ZNF618: variants seen among roughly 807,000 people sequenced by gnomAD.
ZNF618 encodes neural precursor cell expressed, developmentally down-regulated 10.
Under a neutral mutation model 103.0 loss-of-function variants are expected in ZNF618, and 34 were observed. The observed-to-expected ratio is 0.33, with a 90% CI of 0.25 to 0.44. ZNF618 has a LOEUF of 0.44. Ranked by LOEUF, ZNF618 falls within the 20% of genes least tolerant of loss-of-function variation. The pLI, the probability that ZNF618 is intolerant of heterozygous loss-of-function variation, is 1.00. For synonymous variants in ZNF618, 551 were observed against 542.2 expected (o/e 1.02, Z -0.23); for missense variants, 1,059 against 1,295.4 (o/e 0.82, Z 2.80).
rs149577567 is a variant in ZNF618, at chr9:114,034,378, G to A, written c.1168+1650G>A. ...CAGCCAAGCCATGCTGCACCCCCAT[G>A]CGTCCCCTGCCCCCAGAGCTAATAT... is the stretch of plus-strand genomic sequence containing the variant. On this transcript the variant is annotated intron_variant, in intron 12 of 14. Transcript: ENST00000374126. Among the ~76,000 whole-genome samples the A allele has an allele frequency of 3.1e-3, 465 of 152,266 alleles. 3 individuals carry two copies. Among genetic ancestry groups the A allele is most frequent in the Non-Finnish European group, 3.9e-3 (266 of 68,020 alleles).
intron 1 of ZNF618, among the ~76,000 whole-genome samples, chr9:113,930,492 T>C (rs1833481525): frequency 6.6e-6 from 1 of 152,198 alleles, no homozygotes; most frequent in Admixed American, 6.5e-5. Context: ...AGGCTTGTCC[T>C]TGAATGGATA....
At position 114,053,372 on chromosome 9, in the gene ZNF618, G is replaced by C. The variant is rs1411126821; in HGVS notation, c.*3205G>C. 6.6e-6 allele frequency: 1 copy of C among 152,324 alleles called. No homozygotes were observed. Among genetic ancestry groups the C allele is most frequent in the African/African-American group, 2.4e-5 (1 of 41,432 alleles). The allele number at this position is 152,324 out of a possible 1,614,324, so 9.4% of individuals were successfully genotyped here. ...TCCACTGTAGGTCTTTCCATCACAAGCCTTTGGGGGATCTGGGACCAGGAA... is the reference window on the plus strand; with the variant it reads ...TCCACTGTAGGTCTTTCCATCACAACCCTTTGGGGGATCTGGGACCAGGAA... On this transcript the variant is annotated 3_prime_UTR_variant, in exon 15 of 15. Coordinates refer to ENST00000374126, the MANE Select transcript of ZNF618 (RefSeq NM_001318042.2).
intron 1 of ZNF618, among the ~76,000 whole-genome samples, chr9:113,881,444 A>G (rs1828505709): frequency 6.6e-6 from 1 of 152,222 alleles, no homozygotes; most frequent in South Asian, 2.1e-4. Flanking sequence ...TGATTTTAAC[A>G]TATTTAACTC....
At chr9:113,941,720 T>G (rs1834566398) in intron 1 of ZNF618, among the ~76,000 whole-genome samples, 1 of 152,216 alleles carries the variant, frequency 6.6e-6, no homozygotes, top group Admixed American at 6.5e-5. Context: ...GCATTTAGGA[T>G]TTCCTCTTTG....
chr9:113,952,066 A>C (rs1172790593), intron 1 of ZNF618, among the ~76,000 whole-genome samples: 1 of 152,150 alleles, frequency 6.6e-6, no homozygotes, highest in Non-Finnish European at 1.5e-5. Context: ...TTTCATTAAA[A>C]TTTCCATTAA....
At chr9:113,949,909 G>T (rs907078261) in intron 1 of ZNF618, among the ~76,000 whole-genome samples, 4 of 152,132 alleles carry the variant, frequency 2.6e-5, no homozygotes, top group African/African-American at 9.7e-5. Flanking sequence ...GGCACGGGAG[G>T]CAATTCCCTG....
At chr9:114,031,293 C>T (rs1449650269) in intron 11 of ZNF618, among the ~76,000 whole-genome samples, 2 of 152,122 alleles carry the variant, frequency 1.3e-5, no homozygotes, top group South Asian at 2.1e-4. Context: ...TTTGTAGATG[C>T]TCCCTGGGAC....
At chr9:114,002,683 G>T (rs775776855) in intron 6 of ZNF618, 21 bp downstream of exon 6, 4 of 1,610,076 alleles carry the variant, frequency 2.5e-6, no homozygotes, top group African/African-American at 1.3e-5. Flanking sequence ...TTTCCTCCTC[G>T]TGGGCTGCTG....
chr9:114,001,934 G>C, intron 4 of ZNF618, 62 bp from the exon 5 acceptor site: 1 of 1,433,786 alleles, frequency 7.0e-7, no homozygotes, highest in Admixed American at 1.7e-5. Flanking sequence ...ATCGCCTGTG[G>C]GTCCTGGGAC....
At chr9:113,952,107 A>G (rs946747657) in intron 1 of ZNF618, among the ~76,000 whole-genome samples, 1 of 152,170 alleles carries the variant, frequency 6.6e-6, no homozygotes, top group African/African-American at 2.4e-5. Flanking sequence ...CCAGTGAGCA[A>G]TTTATAGATT....
intron 1 of ZNF618, among the ~76,000 whole-genome samples, chr9:113,889,345 CTT>C (rs1491186060): frequency 1.3e-5 from 2 of 150,922 alleles, no homozygotes; most frequent in Admixed American, 1.4e-4. Context: ...CTCTCTCTCT[CTT>C]TCTCTCCCTC....
At chr9:113,885,907 T>A (rs1191995049) in intron 1 of ZNF618, among the ~76,000 whole-genome samples, 1 of 152,218 alleles carries the variant, frequency 6.6e-6, no homozygotes, top group East Asian at 1.9e-4. Context: ...TGAGGCTTTC[T>A]ATATAAGCTA....
intron 1 of ZNF618, among the ~76,000 whole-genome samples, chr9:113,900,224 G>T (rs1012876583): frequency 1.3e-5 from 2 of 151,990 alleles, no homozygotes; most frequent in Non-Finnish European, 2.9e-5. Flanking sequence ...AGCACACCTG[G>T]CTAATTTTTG....
chr9:114,049,885 C>A lies in ZNF618; in HGVS notation c.2583C>A (p.Pro861=). The A allele has an allele frequency of 6.2e-7, 1 of 1,613,932 alleles. No individual in the cohort carries two copies. Among genetic ancestry groups the A allele is most frequent in the East Asian group, 2.2e-5 (1 of 44,876 alleles). ...CCCGCTCTGCTGCCGTCGAGAACCCCGCAGCTCAGGAAGATGATCGGCTAG... is the reference window on the plus strand; with the variant it reads ...CCCGCTCTGCTGCCGTCGAGAACCCAGCAGCTCAGGAAGATGATCGGCTAG... ...KKPRSAAVEN[P]AAQEDDRLGK... Residue 861 remains proline, a synonymous_variant, in exon 15 of 15, where the codon CCC becomes CCA. Transcript: ENST00000374126.
chr9:113,988,328 T>C lies in ZNF618; in HGVS notation c.85T>C (p.Leu29=), dbSNP rs769980858. The change falls in exon 3 of 15, where the codon TTG becomes CTG. Residue 29 remains leucine, a synonymous_variant. Coordinates refer to ENST00000374126, the MANE Select transcript of ZNF618 (RefSeq NM_001318042.2). Reference sequence around the variant, plus strand: ...GAGTTTCTTCTTTCCCAGGGAGCGCTTGAAGCGCAGCCAGAAGAGCACCAA... The same window carrying C: ...GAGTTTCTTCTTTCCCAGGGAGCGCCTGAAGCGCAGCCAGAAGAGCACCAA... ...GRKSTASRER[L]KRSQKSTKVE... is the part of the protein sequence containing the mutation. 3.8e-5 allele frequency: 62 copies of C among 1,611,688 alleles called. No homozygotes were observed. In the Admixed American group the frequency reaches 1.0e-3, roughly 26 times the overall value.
chr9:113,909,920 G>A (rs1017275053), intron 1 of ZNF618, among the ~76,000 whole-genome samples: 2 of 152,144 alleles, frequency 1.3e-5, no homozygotes, highest in Non-Finnish European at 2.9e-5. Context: ...GAGTAGCTGG[G>A]ATTATAGGCG....
At chr9:113,884,446 G>C (rs989513891) in intron 1 of ZNF618, among the ~76,000 whole-genome samples, 68 of 152,194 alleles carry the variant, frequency 4.5e-4, no homozygotes, top group African/African-American at 1.5e-3. Context: ...TGTGAGAGAT[G>C]TAAGAAAAAA....
At chr9:113,954,331 T>C (rs1836046901) in intron 1 of ZNF618, among the ~76,000 whole-genome samples, 2 of 152,050 alleles carry the variant, frequency 1.3e-5, no homozygotes, top group Non-Finnish European at 2.9e-5. Context: ...GGCAGGGGGT[T>C]GAGGAGAGCA....
chr9:113,929,259 C>T (rs895664252), intron 1 of ZNF618, among the ~76,000 whole-genome samples: 1 of 152,158 alleles, frequency 6.6e-6, no homozygotes, highest in Non-Finnish European at 1.5e-5. Flanking sequence ...AAGTCAGTTA[C>T]TGTTTAAACG....
Sources: allele counts gnomAD v4.1 joint callset (sites outside exome capture counted in the v4.1 genomes callset), GRCh38; gene constraint gnomAD v4.1.1; transcripts MANE v1.5; gene names NCBI Gene and HGNC (gene_info 2026-07-23, HGNC 2026-07-21).